The following RANBP2 variants were observed in gnomAD, a reference collection of about 807,000 sequenced individuals.
RANBP2 encodes the protein E3 SUMO-protein ligase RanBP2.
In RANBP2, 57 loss-of-function variants were observed where a neutral mutation model predicts 303.6. The ratio of observed to expected loss-of-function variants is 0.19; its 90% CI spans 0.15 to 0.23. RANBP2 has a LOEUF of 0.23. Ranked by LOEUF, RANBP2 falls within the 10% of genes least tolerant of loss-of-function variation. The probability of loss-of-function intolerance (pLI) is 1.00; values close to 1 mark genes in which losing one functional copy is unlikely to be tolerated. For synonymous variants in RANBP2, 1,167 were observed against 1,301.5 expected, an observed-to-expected ratio of 0.90 and a Z score of 2.23; for missense variants, 3,138 against 3,780.8, an observed-to-expected ratio of 0.83 and a Z score of 4.46.
the RANBP2 span, among the ~76,000 whole-genome samples, chr2:109,542,726 C>A: frequency 6.6e-6 from 1 of 152,158 alleles, no homozygotes; most frequent in Non-Finnish European, 1.5e-5. Flanking sequence ...ATTTAATTTA[C>A]TGAAGTTTTA....
rs1364512242 is a variant in RANBP2, at chr2:108,748,185, G to T, written c.1064-735G>T. On this transcript the variant is annotated intron_variant, in intron 8 of 28. Coordinates refer to ENST00000283195, the MANE Select transcript of RANBP2 (RefSeq NM_006267.5). Reference sequence around the variant, plus strand: ...GTAAACCTATGGAATAAAAAACTCTGGGAACGAGGCCTGGAAATAATTCTT... The same window carrying T: ...GTAAACCTATGGAATAAAAAACTCTTGGAACGAGGCCTGGAAATAATTCTT... Among the ~76,000 whole-genome samples, 3 of 151,898 alleles carry T rather than the reference G, an allele frequency of 2.0e-5. No individual in the cohort carries two copies. The East Asian group carries it at 5.8e-4, about 29-fold the overall frequency.
chr2:109,711,314 C>T, the RANBP2 span, among the ~76,000 whole-genome samples: 1 of 152,032 alleles, frequency 6.6e-6, no homozygotes, highest in South Asian at 2.1e-4. Context: ...CCCTCACGCC[C>T]AGCCATTCCT....
chr2:109,592,810 GAAA>G, the RANBP2 span, among the ~76,000 whole-genome samples: 1 of 149,772 alleles, frequency 6.7e-6, no homozygotes, highest in Non-Finnish European at 1.5e-5. Context: ...AAAAGAAACA[GAAA>G]AAAAAATTTC....
At chr2:109,557,717 G>C in the RANBP2 span, among the ~76,000 whole-genome samples, 1 of 152,038 alleles carries the variant, frequency 6.6e-6, no homozygotes, top group African/African-American at 2.4e-5. Context: ...GAAAGAGAAT[G>C]GTCTATAAAG....
the RANBP2 span, among the ~76,000 whole-genome samples, chr2:109,260,677 A>G: frequency 6.6e-6 from 1 of 152,112 alleles, no homozygotes; most frequent in Non-Finnish European, 1.5e-5. Context: ...CCCATGGGAG[A>G]AGCGGCCTGC....
chr2:109,181,242 A>G, the RANBP2 span, among the ~76,000 whole-genome samples: 1 of 152,222 alleles, frequency 6.6e-6, no homozygotes, highest in Admixed American at 6.5e-5. Flanking sequence ...AACAGAACAG[A>G]GGATTCCTGT....
chr2:108,804,794 A>G, the RANBP2 span: 1 of 1,179,338 alleles, frequency 8.5e-7, no homozygotes. Context: ...TTGTGATTGA[A>G]GGAGTTCTTA....
the RANBP2 span, among the ~76,000 whole-genome samples, chr2:109,520,650 G>T: frequency 1.0e-5 from 1 of 99,194 alleles, no homozygotes; most frequent in East Asian, 2.6e-4. Flanking sequence ...TGATGTTGAG[G>T]CCAGGCACAG....
the RANBP2 span, among the ~76,000 whole-genome samples, chr2:109,187,476 A>G: frequency 5.3e-5 from 8 of 152,144 alleles, no homozygotes; most frequent in African/African-American, 1.9e-4. Flanking sequence ...AATTGCATAT[A>G]CTGTGTGATA....
At chr2:109,031,896 C>A in the RANBP2 span, among the ~76,000 whole-genome samples, 1 of 147,912 alleles carries the variant, frequency 6.8e-6, no homozygotes, top group Admixed American at 6.7e-5. Flanking sequence ...CCACCCACCC[C>A]CCGCCACCTT....
At chr2:108,949,988 G>T in the RANBP2 span, among the ~76,000 whole-genome samples, 4 of 152,180 alleles carry the variant, frequency 2.6e-5, no homozygotes, top group African/African-American at 9.7e-5. Flanking sequence ...TGTGGAGATT[G>T]GGTGCAGCAA....
chr2:109,633,779 G>T, the RANBP2 span, among the ~76,000 whole-genome samples: 2 of 152,194 alleles, frequency 1.3e-5, no homozygotes, highest in Non-Finnish European at 2.9e-5. Flanking sequence ...ATGAGCATAG[G>T]TCATTGTAAG....
At chr2:108,976,482 C>T in the RANBP2 span, among the ~76,000 whole-genome samples, 1,553 of 152,260 alleles carry the variant, frequency 0.01, 20 homozygotes, top group Middle Eastern at 0.02. Flanking sequence ...TGACTCCTTC[C>T]GGTGCTCCTT....
chr2:109,349,780 G>A, the RANBP2 span, among the ~76,000 whole-genome samples: 2 of 152,236 alleles, frequency 1.3e-5, no homozygotes, highest in African/African-American at 2.4e-5. Context: ...TCTCTGGGCA[G>A]AAGTGACTGC....
the RANBP2 span, among the ~76,000 whole-genome samples, chr2:109,320,693 C>T: frequency 6.6e-6 from 1 of 152,204 alleles, no homozygotes. Context: ...TGGCATTCCT[C>T]TTCTGTAAAG....
the RANBP2 span, among the ~76,000 whole-genome samples, chr2:109,277,701 C>G: frequency 6.6e-6 from 1 of 152,096 alleles, no homozygotes; most frequent in African/African-American, 2.4e-5. Context: ...ATGAGGAGCC[C>G]CAGGTGTATT....
At chr2:108,795,381 T>G in the RANBP2 span, among the ~76,000 whole-genome samples, 1 of 151,992 alleles carries the variant, frequency 6.6e-6, no homozygotes, top group Non-Finnish European at 1.5e-5. Flanking sequence ...GTCTTGAACT[T>G]CTGACCTCAG....
chr2:109,343,033 G>A, the RANBP2 span, among the ~76,000 whole-genome samples: 14 of 152,114 alleles, frequency 9.2e-5, no homozygotes, highest in African/African-American at 3.1e-4. Context: ...GGAGCACGCC[G>A]CAGTGTGAGA....
the RANBP2 span, among the ~76,000 whole-genome samples, chr2:109,270,748 A>C: frequency 6.6e-6 from 1 of 152,136 alleles, no homozygotes; most frequent in Non-Finnish European, 1.5e-5. Flanking sequence ...TCTTATGTAG[A>C]TTGACCTTTC....
Sources: allele counts gnomAD v4.1 joint callset (sites outside exome capture counted in the v4.1 genomes callset), GRCh38; gene constraint gnomAD v4.1.1; transcripts MANE v1.5; gene names NCBI Gene and HGNC (gene_info 2026-07-23, HGNC 2026-07-21).